The following IDI2 variants were observed in gnomAD, a reference collection of about 807,000 sequenced individuals.
IDI2 encodes isopentenyl-diphosphate delta isomerase 2, also known as isopentenyl-diphosphate delta-isomerase 2.
IDI2 carries 18 observed loss-of-function variants against 14.8 expected under a neutral mutation model. The ratio of observed to expected loss-of-function variants is 1.22; its 90% CI spans 0.84 to 1.80. The LOEUF is 1.80. IDI2 is among the 40% of genes most tolerant of loss of function. IDI2 has a pLI of 0.00. For synonymous variants in IDI2, 133 were observed against 109.6 expected (o/e 1.21, Z -1.33); for missense variants, 316 against 283.2 (o/e 1.12, Z -0.83).
rs766237993 is a variant in IDI2, at chr10:1,019,722, G to T, written c.479C>A (p.Thr160Asn). The T allele has an allele frequency of 2.5e-6, 4 of 1,614,026 alleles. No individual in the cohort carries two copies. Among genetic ancestry groups the T allele is most frequent in the Non-Finnish European group, 3.4e-6 (4 of 1,180,016 alleles). Residue 160 changes from threonine (T) to asparagine (N), a missense_variant, in exon 5 of 5, where the codon ACT becomes AAT. Physicochemically the swap from Thr to Asn is moderately conservative, Grantham distance 65. Transcript: ENST00000277517. ...CYLLLVRKNV[T>N]LNPDPSETKS... ...CGTTTCACTGGGATCCGGGTTCAGA[G>T]TGACGTTTTTCCTCACAAGCAGAAG...
chr10:1,020,906 A>C lies in IDI2; in HGVS notation c.236-9T>G. ...GGAGTCGGTAAAATACCCTGGAAAAAATGCATGTGGGAACATCCCTCTTTA... is the reference window on the plus strand; with the variant it reads ...GGAGTCGGTAAAATACCCTGGAAAACATGCATGTGGGAACATCCCTCTTTA... On this transcript the variant is annotated splice_polypyrimidine_tract_variant and intron_variant, in intron 3 of 4. Coordinates refer to ENST00000277517, the MANE Select transcript of IDI2 (RefSeq NM_033261.3). 1 of 1,607,348 alleles carries C rather than the reference A, an allele frequency of 6.2e-7. No homozygotes were observed. The highest frequency in any genetic ancestry group is 1.3e-5 in the African/African-American group (1 of 74,706).
At chr10:1,024,835 T>C (rs1832184316) in intron 1 of IDI2, 91 bp from the exon 2 acceptor site, 1 of 1,203,730 alleles carries the variant, frequency 8.3e-7, no homozygotes, top group Non-Finnish European at 1.2e-6. Flanking sequence ...GGATTTAGCA[T>C]ACACCTTCTC....
chr10:1,022,257 T>G (rs1398754615), intron 3 of IDI2, among the ~76,000 whole-genome samples: 1 of 117,164 alleles, frequency 8.5e-6, no homozygotes, highest in Admixed American at 9.2e-5. Context: ...AGACTCCATC[T>G]CCAAAAAAAA....
chr10:1,024,303 C>G (rs368155701), intron 2 of IDI2, among the ~76,000 whole-genome samples: 2 of 152,192 alleles, frequency 1.3e-5, no homozygotes, highest in African/African-American at 4.8e-5. Context: ...TCAGGGTTCT[C>G]GCTAAAACAA....
chr10:1,021,765 G>A (rs1042147428), intron 3 of IDI2, among the ~76,000 whole-genome samples: 1 of 152,222 alleles, frequency 6.6e-6, no homozygotes, highest in African/African-American at 2.4e-5. Context: ...CAGCAAGTAT[G>A]GTGGTGGGTT....
intron 1 of IDI2, among the ~76,000 whole-genome samples, chr10:1,025,010 C>CACACACA (rs1368407999): frequency 1.4e-5 from 2 of 145,056 alleles, no homozygotes; most frequent in Admixed American, 6.9e-5. Flanking sequence ...CCCCGCCCCA[C>CACACACA]CACACACACA....
chr10:1,022,612 T>A (rs776091628), intron 3 of IDI2, 71 bp downstream of exon 3: 1 of 1,170,978 alleles, frequency 8.5e-7, no homozygotes, highest in South Asian at 1.2e-5. Flanking sequence ...AGAGAGTTCC[T>A]GTCCCAGATT....
rs138902540 is a variant in IDI2 at position 1,019,745 on chromosome 10, A to G, written c.456T>C (p.Leu152=). The G allele has an allele frequency of 2.8e-4, 444 of 1,613,830 alleles. No individual in the cohort carries two copies. Among genetic ancestry groups the G allele is most frequent in the Non-Finnish European group, 3.6e-4 (424 of 1,180,000 alleles). ...GAGTGACGTTTTTCCTCACAAGCAG[A>G]AGGTAACAAATTTCATGCTCTCCCC... ...RIWGEHEICY[L]LLVRKNVTLN... is the part of the protein sequence containing the mutation. Residue 152 remains leucine, a synonymous_variant, in exon 5 of 5, where the codon CTT becomes CTC. Transcript: ENST00000277517.
rs138472250 is a variant in IDI2, at chr10:1,019,617, G to A, written c.584C>T (p.Pro195Leu). The A allele has an allele frequency of 6.2e-7, 1 of 1,613,986 alleles. No homozygotes were observed. The highest frequency in any genetic ancestry group is 1.3e-5 in the African/African-American group (1 of 75,004). Reference protein sequence around the residue: ...REARGEVKVTPWLRTIAERFL... With the variant: ...REARGEVKVTLWLRTIAERFL... ...CCTCTCGGCAATGGTTCTTAGCCAG[G>A]GGGTGACTTTGACTTCACCCCTCGC... Residue 195 changes from proline (P) to leucine (L), a missense_variant, in exon 5 of 5, where the codon CCC (proline) becomes CTC (leucine). Transcript: ENST00000277517.
rs1235839179 is a variant in IDI2 at position 1,025,822 on chromosome 10, T to C, written c.-28A>G. On this transcript the variant is annotated 5_prime_UTR_variant, in exon 1 of 5. Transcript: ENST00000277517. ...GTAAAACATATGCACTAACCTCTCT[T>C]GGAAGCTGGAGACTCCTGGGTATCA... The C allele has an allele frequency of 6.6e-6, 1 of 152,148 alleles. No homozygotes were observed. Among genetic ancestry groups the C allele is most frequent in the Non-Finnish European group, 1.5e-5 (1 of 68,022 alleles). 9.4% of individuals were successfully genotyped at this position (152,148 alleles called of 1,614,324 possible). A position where few individuals can be genotyped will look rare whatever the true frequency, so the allele number is the denominator to read the frequency against.
Position 1,019,492 on chromosome 10 carries a change from A to G in IDI2, c.*25T>C, listed in dbSNP as rs766025081. 1.8e-5 allele frequency: 28 copies of G among 1,587,772 alleles called. No individual in the cohort carries two copies. In the Admixed American group the frequency reaches 2.0e-4, roughly 12 times the overall value. On this transcript the variant is annotated 3_prime_UTR_variant, in exon 5 of 5. Transcript: ENST00000277517. ...TCTGCCTGCACTGAGGGCATTACAC[A>G]TGGCTGACTCGACCTCCCTGCCTCT...
At chr10:1,021,070 G>A (rs1589036470) in intron 3 of IDI2, among the ~76,000 whole-genome samples, 173 bp from the exon 4 acceptor site, 1 of 152,344 alleles carries the variant, frequency 6.6e-6, no homozygotes, top group African/African-American at 2.4e-5. Flanking sequence ...CAGCCTCCAC[G>A]GCTGTGGGCT....
At position 1,020,950 on chromosome 10, in the gene IDI2, A is replaced by G. The variant is rs1366984948; in HGVS notation, c.236-53T>C. 3.2e-6 allele frequency: 5 copies of G among 1,567,458 alleles called. No individual in the cohort carries two copies. In the African/African-American group the frequency reaches 4.1e-5, roughly 13 times the overall value. ...CTCTTTATTCCTGAAAAGTGAATATATTAAATACAAATGCAGATGCTTCAT... is the reference window on the plus strand; with the variant it reads ...CTCTTTATTCCTGAAAAGTGAATATGTTAAATACAAATGCAGATGCTTCAT... On this transcript the variant is annotated intron_variant, in intron 3 of 4. Transcript: ENST00000277517.
chr10:1,018,939 G>A lies in IDI2; in HGVS notation c.*578C>T, dbSNP rs140153834. The A allele has an allele frequency of 3.3e-5, 5 of 152,438 alleles. No homozygotes were observed. The highest frequency in any genetic ancestry group is 1.2e-4 in the African/African-American group (5 of 41,410). The allele number at this position is 152,438 out of a possible 1,614,324, so 9.4% of individuals were successfully genotyped here. On this transcript the variant is annotated 3_prime_UTR_variant, in exon 5 of 5. Coordinates refer to ENST00000277517, the MANE Select transcript of IDI2 (RefSeq NM_033261.3). ...AAAGCAAGTATGTCTTTATTTGTAA[G>A]CATATTACTGAAACGATCAAATGAA...
At chr10:1,025,541 CAA>C (rs34925490) in intron 1 of IDI2, among the ~76,000 whole-genome samples, 218 of 103,746 alleles carry the variant, frequency 2.1e-3, no homozygotes, top group Middle Eastern at 5.7e-3. Flanking sequence ...GACTCTGTCT[CAA>C]AAAAAAAAAA....
intron 2 of IDI2, among the ~76,000 whole-genome samples, chr10:1,023,490 AAAG>A (rs1423391891): frequency 2.6e-5 from 4 of 151,990 alleles, no homozygotes; most frequent in Non-Finnish European, 4.4e-5. Flanking sequence ...AAAAAAAAAA[AAAG>A]AAGAATGAAA....
At chr10:1,021,787 A>G (rs1832106538) in intron 3 of IDI2, among the ~76,000 whole-genome samples, 1 of 152,230 alleles carries the variant, frequency 6.6e-6, no homozygotes, top group South Asian at 2.1e-4. Context: ...GGGAATGGGC[A>G]GGATGTACCC....
intron 3 of IDI2, among the ~76,000 whole-genome samples, chr10:1,022,275 T>A (rs1044012677): frequency 8.9e-5 from 13 of 146,774 alleles, no homozygotes; most frequent in Non-Finnish European, 1.1e-4. Flanking sequence ...AAAAAAAAAA[T>A]TTTAAGTTGT....
chr10:1,024,524 C>G (rs923497116), intron 2 of IDI2, 58 bp downstream of exon 2: 8 of 1,590,818 alleles, frequency 5.0e-6, no homozygotes, highest in Non-Finnish European at 6.0e-6. Flanking sequence ...AGGTTGCCGT[C>G]GGGTGGGAAA....
Sources: gnomAD v4.1 joint callset for allele counts (sites outside exome capture counted in the v4.1 genomes callset) on GRCh38, gnomAD v4.1.1 for gene constraint, MANE v1.5 for transcripts, NCBI Gene and HGNC (gene_info 2026-07-23, HGNC 2026-07-21) for gene names.